The following CPLX1 variants were observed in gnomAD, a reference collection of about 807,000 sequenced individuals.
The protein encoded by CPLX1 is complexin-1.
Under a neutral mutation model 15.6 loss-of-function variants are expected in CPLX1, and 6 were observed. That is an observed-to-expected ratio of 0.39 (90% CI 0.21 to 0.76). The LOEUF (loss-of-function observed/expected upper bound fraction) is 0.76, where lower values mean the gene tolerates loss of function less well. Among genes scored for constraint, CPLX1 ranks in the 30% least tolerant of loss-of-function variants. The pLI is 0.43. For synonymous variants in CPLX1, 91 were observed against 75.2 expected (o/e 1.21, Z -1.08); for missense variants, 242 against 188.6 (o/e 1.28, Z -1.66).
At chr4:806,123 AAAGAG>A (rs1746551492) in intron 2 of CPLX1, among the ~76,000 whole-genome samples, 1 of 152,212 alleles carries the variant, frequency 6.6e-6, no homozygotes, top group Non-Finnish European at 1.5e-5. Flanking sequence ...TTACCACAAA[AAAGAG>A]AAGCATATAC....
At position 786,560 on chromosome 4, in the gene CPLX1, T is replaced by G. The variant is rs1290658519; in HGVS notation, c.346A>C (p.Ile116Leu). The change falls in exon 4 of 4, where the codon ATC (isoleucine) becomes CTC (leucine). Residue 116 changes from isoleucine to leucine, a missense_variant. By Grantham distance (5) the Ile-to-Leu change is conservative (BLOSUM62 2). Transcript: ENST00000304062. ...GDEVEEEDES[I>L]LDTVIKYLPG... ...AGGTACTTGATGACGGTGTCCAGGA[T>G]GCTCTCGTCCTCCTCCTCCACCTCG... 2 of 1,609,420 alleles carry G rather than the reference T, an allele frequency of 1.2e-6. No individual in the cohort carries two copies. Among genetic ancestry groups the G allele is most frequent in the African/African-American group, 2.7e-5 (2 of 74,724 alleles).
intron 3 of CPLX1, chr4:787,968 A>T: frequency 1.0e-6 from 1 of 985,422 alleles, no homozygotes; most frequent in Non-Finnish European, 1.2e-6. Flanking sequence ...GCCAGGTCCA[A>T]GGTCCTGGAT....
chr4:807,127 T>A (rs1182062461), intron 2 of CPLX1, among the ~76,000 whole-genome samples: 1 of 152,334 alleles, frequency 6.6e-6, no homozygotes, highest in East Asian at 1.9e-4. Flanking sequence ...ATATACAACA[T>A]GGAATACTAC....
At position 800,564 on chromosome 4, in the gene CPLX1, A is replaced by ATG. The variant is rs35182041; in HGVS notation, c.32-7958_32-7957dup. On this transcript the variant is annotated intron_variant, in intron 2 of 3. Coordinates refer to ENST00000304062, the MANE Select transcript of CPLX1 (RefSeq NM_006651.4). ...CACACATGTATGTATATATAAATAT[A>ATG]TGTGTGTGTGTGTGTATATATATGT... Among the ~76,000 whole-genome samples, 354 of 142,950 alleles carry ATG rather than the reference A, an allele frequency of 2.5e-3. 2 individuals carry two copies. Among genetic ancestry groups the ATG allele is most frequent in the Non-Finnish European group, 4.2e-3 (279 of 66,030 alleles). 93.8% of individuals were successfully genotyped at this position (142,950 alleles called of 152,430 possible).
At chr4:794,560 C>A (rs913785022) in intron 2 of CPLX1, among the ~76,000 whole-genome samples, 2 of 152,194 alleles carry the variant, frequency 1.3e-5, no homozygotes, top group African/African-American at 4.8e-5. Context: ...AGTCATTGGA[C>A]CAAAATCTCT....
At chr4:818,401 G>T (rs1746800182) in intron 2 of CPLX1, among the ~76,000 whole-genome samples, 1 of 152,264 alleles carries the variant, frequency 6.6e-6, no homozygotes, top group Non-Finnish European at 1.5e-5. Context: ...CTGACATGGT[G>T]GCCTCACAGG....
chr4:820,709 G>A (rs1365893599), intron 2 of CPLX1, among the ~76,000 whole-genome samples: 1 of 152,010 alleles, frequency 6.6e-6, no homozygotes, highest in Non-Finnish European at 1.5e-5. Context: ...TGCTCACAGA[G>A]GGAGATTCTT....
intron 2 of CPLX1, among the ~76,000 whole-genome samples, chr4:812,885 T>TA (rs1746689640): frequency 6.6e-6 from 1 of 152,164 alleles, no homozygotes; most frequent in Non-Finnish European, 1.5e-5. Flanking sequence ...TTACAAATGA[T>TA]AGTGTACTGA....
intron 2 of CPLX1, among the ~76,000 whole-genome samples, chr4:817,845 C>CT (rs1746790142): frequency 6.6e-6 from 1 of 152,104 alleles, no homozygotes. Flanking sequence ...TGCATTGTTC[C>CT]CACCAGCCGT....
intron 2 of CPLX1, among the ~76,000 whole-genome samples, chr4:821,067 T>C (rs964233804): frequency 6.6e-6 from 1 of 152,174 alleles, no homozygotes; most frequent in Non-Finnish European, 1.5e-5. Flanking sequence ...GTTCACCTGC[T>C]TCCCTCCCCA....
At position 813,227 on chromosome 4, in the gene CPLX1, T is replaced by C. The variant is rs1484755622; in HGVS notation, c.31+11265A>G. 3.5e-5 allele frequency among the ~76,000 whole-genome samples: 5 copies of C among 144,418 alleles called. No homozygotes were observed. The South Asian group carries it at 1.1e-3, about 31-fold the overall frequency. The allele number at this position is 144,418 out of a possible 152,430, so 94.7% of individuals were successfully genotyped here. On this transcript the variant is annotated intron_variant, in intron 2 of 3. Transcript: ENST00000304062. ...TTGCAGTGAGCCAAGATTGTACCAC[T>C]GCACTCCTGCCTGGGTGGCTGAGCT...
intron 3 of CPLX1, chr4:787,841 G>A (rs938268727): frequency 5.1e-6 from 5 of 985,310 alleles, no homozygotes; most frequent in Middle Eastern, 5.2e-4. Context: ...ACGGAACTAC[G>A]GAACAGCCTC....
At chr4:804,644 A>G in intron 2 of CPLX1, 1 of 775,928 alleles carries the variant, frequency 1.3e-6, no homozygotes, top group Non-Finnish European at 1.6e-6. Context: ...CCTTCAGCTT[A>G]AACTCCAACG....
intron 1 of CPLX1, among the ~76,000 whole-genome samples, chr4:825,693 C>T: frequency 6.8e-6 from 1 of 146,326 alleles, no homozygotes; most frequent in Admixed American, 6.7e-5. Flanking sequence ...GCGGGGGCCG[C>T]TTCAGCACCG....
chr4:787,491 A>G (rs952876965), intron 3 of CPLX1: 26 of 768,456 alleles, frequency 3.4e-5, no homozygotes, highest in Non-Finnish European at 4.1e-5. Flanking sequence ...GGACGAGGCC[A>G]TCCTGGATTT....
At chr4:798,884 T>G (rs566166446) in intron 2 of CPLX1, among the ~76,000 whole-genome samples, 10 of 152,362 alleles carry the variant, frequency 6.6e-5, no homozygotes, top group African/African-American at 2.4e-4. Context: ...TCTGGGACTT[T>G]GGCTTAAGCA....
chr4:798,505 G>C (rs531784540), intron 2 of CPLX1, among the ~76,000 whole-genome samples: 1 of 152,256 alleles, frequency 6.6e-6, no homozygotes, highest in African/African-American at 2.4e-5. Context: ...TCAACTTCCT[G>C]GGCTCAACTG....
At chr4:819,640 G>T (rs17165051) in intron 2 of CPLX1, among the ~76,000 whole-genome samples, 63,771 of 150,138 alleles carry the variant, frequency 0.42, 13,506 homozygotes, top group Middle Eastern at 0.5. Flanking sequence ...TTGGGTGTGA[G>T]TCAGGCACTG....
intron 3 of CPLX1, among the ~76,000 whole-genome samples, chr4:788,782 G>A (rs1195635101): frequency 1.3e-5 from 2 of 152,264 alleles, no homozygotes; most frequent in African/African-American, 2.4e-5. Flanking sequence ...AGCCAGGGGT[G>A]TGGGGGTCTG....
Sources: allele counts gnomAD v4.1 joint callset (sites outside exome capture counted in the v4.1 genomes callset), GRCh38; gene constraint gnomAD v4.1.1; transcripts MANE v1.5; gene names NCBI Gene and HGNC (gene_info 2026-07-23, HGNC 2026-07-21).